AVEN: variants seen among roughly 807,000 people sequenced by gnomAD.
AVEN encodes the protein apoptosis and caspase activation inhibitor, also known as cell death regulator Aven.
AVEN carries 41 observed loss-of-function variants against 38.1 expected under a neutral mutation model. That is an observed-to-expected ratio of 1.08 (90% CI 0.84 to 1.40). The LOEUF is 1.40. Among genes scored for constraint, AVEN ranks in the 40% most tolerant of loss-of-function variants. The pLI is 0.00. For missense variants in AVEN, 605 were observed against 438.8 expected, an observed-to-expected ratio of 1.38 and a Z score of -3.38; for synonymous variants, 206 against 171.8, an observed-to-expected ratio of 1.20 and a Z score of -1.56.
chr15:34,020,984 G>T (rs748866153), intron 1 of AVEN, among the ~76,000 whole-genome samples: 12 of 152,170 alleles, frequency 7.9e-5, no homozygotes, highest in Non-Finnish European at 1.8e-4. Context: ...ACTGGGCCAT[G>T]CATCTGAAAA....
chr15:33,967,780 A>G (rs1218414739), intron 2 of AVEN, among the ~76,000 whole-genome samples: 1 of 151,866 alleles, frequency 6.6e-6, no homozygotes, highest in Non-Finnish European at 1.5e-5. Flanking sequence ...TTAAAAATCT[A>G]TTCTTTTATA....
chr15:33,928,891 C>T (rs757173208), intron 2 of AVEN, among the ~76,000 whole-genome samples: 14 of 152,148 alleles, frequency 9.2e-5, no homozygotes, highest in Non-Finnish European at 1.6e-4. Context: ...AGAATTTCTT[C>T]CTCCCCTTCC....
rs1017331468 is a variant in AVEN at position 33,866,415 on chromosome 15, G to C, written c.*198C>G. 1 of 584,476 alleles carries C rather than the reference G, an allele frequency of 1.7e-6. No individual in the cohort carries two copies. The highest frequency in any genetic ancestry group is 1.9e-5 in the African/African-American group (1 of 53,576). 36.2% of individuals were successfully genotyped at this position (584,476 alleles called of 1,614,324 possible). On this transcript the variant is annotated 3_prime_UTR_variant, in exon 6 of 6. Transcript: ENST00000306730. Reference sequence around the variant, plus strand: ...GGAAATCTATTAGATTACTAAGCCAGAAAAACAAATGCAACAAGCTGCTTC... The same window carrying C: ...GGAAATCTATTAGATTACTAAGCCACAAAAACAAATGCAACAAGCTGCTTC...
rs756338046 is a variant in AVEN, at chr15:34,063,810, CCAG to C, written n.1127-381_1127-379del. 115 of 1,614,088 alleles carry C rather than the reference CCAG, an allele frequency of 7.1e-5. No homozygotes were observed. The highest frequency in any genetic ancestry group is 9.2e-5 in the Non-Finnish European group (109 of 1,180,050). ...TGACACCCCAAACTACCTTCTGTCT[CCAG>C]CAGCTGCTCATAGACCCAAGAGTCA... On this transcript the variant is annotated intron_variant and non_coding_transcript_variant, in intron 4 of 11. Transcript: ENST00000675287. The surrounding 1 kb of genome is among the most constrained non-coding windows in gnomAD (Gnocchi z 4.1).
At chr15:33,881,244 C>T (rs1891473682) in intron 2 of AVEN, among the ~76,000 whole-genome samples, 1 of 151,752 alleles carries the variant, frequency 6.6e-6, no homozygotes, top group Non-Finnish European at 1.5e-5. Flanking sequence ...TGCACACCAC[C>T]ATGCCCAGCA....
At chr15:33,925,424 C>T (rs749949225) in intron 2 of AVEN, among the ~76,000 whole-genome samples, 1 of 152,184 alleles carries the variant, frequency 6.6e-6, no homozygotes, top group Non-Finnish European at 1.5e-5. Flanking sequence ...TTAGTGAAGA[C>T]ACTTTGGTTG....
At chr15:33,864,846 T>TAAATCTTTAA (rs1475256355), downstream of AVEN, 3 of 350,738 alleles carry the variant, frequency 8.6e-6, no homozygotes, top group Non-Finnish European at 1.6e-5. Context: ...AGCTTATTGC[T>TAAATCTTTAA]AAATCTTTAA....
At position 34,054,079 on chromosome 15, in the gene AVEN, A is replaced by C. The variant is rs184355619; in HGVS notation, n.1637+8843T>G. Among the ~76,000 whole-genome samples the C allele has an allele frequency of 3.3e-3, 504 of 152,302 alleles. 4 individuals carry two copies. The highest frequency in any genetic ancestry group is 8.5e-3 in the Admixed American group (130 of 15,290). On this transcript the variant is annotated intron_variant and non_coding_transcript_variant, in intron 5 of 11. Coordinates refer to the AVEN transcript ENST00000675287. ...TGCGGCCAAAAAACGTGAAAAAAAA[A>C]CTCAACATCACTGATCATTAGAGAA...
downstream of AVEN, chr15:33,865,293 C>T (rs911215583): frequency 8.9e-7 from 1 of 1,118,710 alleles, no homozygotes; most frequent in Non-Finnish European, 1.3e-6. Flanking sequence ...CCCCTTTTTA[C>T]AGTTCTGCAA....
In AVEN at chr15:34,007,885, G is replaced by A. The variant is rs573280870; in HGVS notation, c.268-4676C>T. On this transcript the variant is annotated intron_variant, in intron 1 of 5. Transcript: ENST00000306730. ...TGGCAACCTTAGCATTCCTTCCTTT[G>A]CCATTTTCACATGGCATTTTCTCCT... 2.0e-3 allele frequency among the ~76,000 whole-genome samples: 299 copies of A among 152,176 alleles called. 4 individuals carry two copies. The South Asian group carries it at 0.032, about 16-fold the overall frequency.
intron 2 of AVEN, among the ~76,000 whole-genome samples, chr15:33,885,289 A>C (rs962381020): frequency 6.6e-6 from 1 of 152,174 alleles, no homozygotes; most frequent in Non-Finnish European, 1.5e-5. Context: ...ATGAAAGATG[A>C]CATATTTGGA....
intron 2 of AVEN, among the ~76,000 whole-genome samples, chr15:33,942,375 C>G (rs779421455): frequency 3.9e-5 from 6 of 152,168 alleles, no homozygotes; most frequent in Non-Finnish European, 8.8e-5. Context: ...TCTGTCTACT[C>G]AACAACCGTG....
At chr15:33,904,057 C>T (rs1239698589) in intron 2 of AVEN, among the ~76,000 whole-genome samples, 3 of 152,172 alleles carry the variant, frequency 2.0e-5, no homozygotes, top group Non-Finnish European at 2.9e-5. Flanking sequence ...GGACCACTGT[C>T]GTATATGTGG....
chr15:34,015,846 A>C (rs1174735334), intron 1 of AVEN, among the ~76,000 whole-genome samples: 2 of 152,254 alleles, frequency 1.3e-5, no homozygotes, highest in Non-Finnish European at 2.9e-5. Context: ...TAAAAATGAG[A>C]GGCATGAAAG....
intron 1 of AVEN, among the ~76,000 whole-genome samples, chr15:34,016,600 T>G (rs192819455): frequency 6.6e-6 from 1 of 152,292 alleles, no homozygotes; most frequent in Admixed American, 6.5e-5. Flanking sequence ...CAACAGGAGT[T>G]TTTGATCCAG....
intron 4 of AVEN, among the ~76,000 whole-genome samples, chr15:33,869,508 G>C (rs1244099224): frequency 6.6e-6 from 1 of 152,014 alleles, no homozygotes; most frequent in African/African-American, 2.4e-5. Flanking sequence ...TCAGAACTTT[G>C]AACATCACTG....
At position 33,918,527 on chromosome 15, in the gene AVEN, C is replaced by T. The variant is rs527429156; in HGVS notation, c.446-42532G>A. On this transcript the variant is annotated intron_variant, in intron 2 of 5. Coordinates refer to ENST00000306730, the MANE Select transcript of AVEN (RefSeq NM_020371.3). ...TGTCACCCAGATTGAAGTGCAGTGG[C>T]GTGATCTCAGCTCACTGCATGCAGT... is the stretch of plus-strand genomic sequence containing the variant. 6.7e-5 allele frequency among the ~76,000 whole-genome samples: 8 copies of T among 119,678 alleles called. No individual in the cohort carries two copies. In the East Asian group the frequency reaches 1.3e-3, roughly 20 times the overall value. The allele number at this position is 119,678 out of a possible 152,430, so 78.5% of individuals were successfully genotyped here. A position where few individuals can be genotyped will look rare whatever the true frequency, so the allele number is the denominator to read the frequency against.
At chr15:33,949,734 T>C (rs886920109) in intron 2 of AVEN, among the ~76,000 whole-genome samples, 3 of 152,168 alleles carry the variant, frequency 2.0e-5, no homozygotes, top group Non-Finnish European at 4.4e-5. Context: ...GATATGTAAA[T>C]TATATCTCAA....
At chr15:34,009,023 C>T (rs1897513324) in intron 1 of AVEN, among the ~76,000 whole-genome samples, 2 of 151,810 alleles carry the variant, frequency 1.3e-5, no homozygotes, top group South Asian at 2.1e-4. Context: ...AAAACCAACT[C>T]ATCACAAGGC....
Sources: gnomAD v4.1 joint callset for allele counts (sites outside exome capture counted in the v4.1 genomes callset) on GRCh38, gnomAD v4.1.1 for gene constraint, Gnocchi (gnomAD v3.1) non-coding constraint, MANE v1.5 for transcripts, NCBI Gene and HGNC (gene_info 2026-07-23, HGNC 2026-07-21) for gene names.